The following CTIF variants were observed in gnomAD, a reference collection of about 807,000 sequenced individuals.
CTIF encodes the protein cap binding complex dependent translation initiation factor, also known as CBP80/20-dependent translation initiation factor.
Under a neutral mutation model 66.0 loss-of-function variants are expected in CTIF, and 21 were observed. That is an observed-to-expected ratio of 0.32 (90% CI 0.23 to 0.46). CTIF has a LOEUF of 0.46. Among genes scored for constraint, CTIF ranks in the 20% least tolerant of loss-of-function variants. The pLI is 1.00. For synonymous variants in CTIF, 345 were observed against 326.4 expected, an observed-to-expected ratio of 1.06 and a Z score of -0.62; for missense variants, 739 against 812.7, an observed-to-expected ratio of 0.91 and a Z score of 1.10.
At chr18:48,709,990 A>T (rs2092206074) in intron 6 of CTIF, among the ~76,000 whole-genome samples, 1 of 152,128 alleles carries the variant, frequency 6.6e-6, no homozygotes, top group African/African-American at 2.4e-5. Context: ...CCATAACTCC[A>T]AGGTCCCTGT....
intron 1 of CTIF, among the ~76,000 whole-genome samples, chr18:48,619,006 A>G (rs2090446253): frequency 6.6e-6 from 1 of 152,188 alleles, no homozygotes; most frequent in Non-Finnish European, 1.5e-5. Context: ...TACGGCCCAT[A>G]GGCTTCAACT....
intron 7 of CTIF, among the ~76,000 whole-genome samples, chr18:48,740,009 A>G (rs1248482677): frequency 6.6e-6 from 1 of 152,232 alleles, no homozygotes; most frequent in African/African-American, 2.4e-5. Flanking sequence ...ACAAATATCA[A>G]TGCACATTGT....
At chr18:48,614,125 C>G (rs2090356414) in intron 1 of CTIF, among the ~76,000 whole-genome samples, 1 of 152,158 alleles carries the variant, frequency 6.6e-6, no homozygotes. Flanking sequence ...AAATTCCTGG[C>G]TGGCTCTCTC....
intron 1 of CTIF, among the ~76,000 whole-genome samples, chr18:48,601,001 G>A (rs1452687758): frequency 1.3e-5 from 2 of 152,058 alleles, no homozygotes; most frequent in Non-Finnish European, 2.9e-5. Context: ...GTTTCCTTAG[G>A]CCACTGCTCT....
At chr18:48,615,385 C>G (rs78409020) in intron 1 of CTIF, among the ~76,000 whole-genome samples, 1 of 152,214 alleles carries the variant, frequency 6.6e-6, no homozygotes, top group South Asian at 2.1e-4. Context: ...GCATGTTCCC[C>G]GCTTTTCTGA....
At chr18:48,594,050 A>G (rs1239360118) in intron 1 of CTIF, among the ~76,000 whole-genome samples, 6 of 151,838 alleles carry the variant, frequency 4.0e-5, no homozygotes, top group East Asian at 1.9e-4. Flanking sequence ...GATCCCTCCT[A>G]TGAACACAAG....
chr18:48,850,225 C>T (rs1401654390), intron 10 of CTIF, among the ~76,000 whole-genome samples: 1 of 152,142 alleles, frequency 6.6e-6, no homozygotes, highest in Non-Finnish European at 1.5e-5. Context: ...GGTGATATTC[C>T]CCTTGTATGG....
At chr18:48,772,336 T>C (rs13381292) in intron 9 of CTIF, among the ~76,000 whole-genome samples, 12,805 of 152,212 alleles carry the variant, frequency 0.084, 614 homozygotes, top group Non-Finnish European at 0.1. Context: ...ACCATAAAAT[T>C]CACCATCTGA....
chr18:48,836,418 C>T (rs1301153826), intron 10 of CTIF, among the ~76,000 whole-genome samples: 1 of 152,116 alleles, frequency 6.6e-6, no homozygotes, highest in African/African-American at 2.4e-5. Context: ...TCACCACTGG[C>T]ATCTAGGGGA....
chr18:48,818,455 G>T (rs1214435585), intron 10 of CTIF, among the ~76,000 whole-genome samples: 1 of 152,174 alleles, frequency 6.6e-6, no homozygotes, highest in East Asian at 1.9e-4. Flanking sequence ...GGGATGAAAA[G>T]CAAGAGTCAG....
Position 48,559,356 on chromosome 18 carries a change from A to AC in CTIF, c.-29+20052dup, listed in dbSNP as rs60449140. 8.1e-3 allele frequency among the ~76,000 whole-genome samples: 1,224 copies of AC among 150,216 alleles called. 14 individuals carry two copies. Among genetic ancestry groups the AC allele is most frequent in the African/African-American group, 0.026 (1,048 of 40,836 alleles). ...GTTAAATGAGGTCTGTAGTCCTACCACCCCCCCCAATCCTAACAAACAAAA... is the reference window on the plus strand; with the variant it reads ...GTTAAATGAGGTCTGTAGTCCTACCACCCCCCCCCAATCCTAACAAACAAAA... On this transcript the variant is annotated intron_variant, in intron 1 of 11. Coordinates refer to ENST00000256413, the MANE Select transcript of CTIF (RefSeq NM_014772.3).
At chr18:48,728,017 A>G (rs542498723) in intron 7 of CTIF, among the ~76,000 whole-genome samples, 1 of 152,340 alleles carries the variant, frequency 6.6e-6, no homozygotes, top group Non-Finnish European at 1.5e-5. Flanking sequence ...CCTAGCAAGA[A>G]GAAACCAGGC....
chr18:48,851,119 A>G (rs2069190885), intron 10 of CTIF, among the ~76,000 whole-genome samples: 1 of 152,244 alleles, frequency 6.6e-6, no homozygotes, highest in African/African-American at 2.4e-5. Context: ...ACCCGCCCCC[A>G]GCTCTGCCTT....
intron 2 of CTIF, among the ~76,000 whole-genome samples, chr18:48,624,910 T>G (rs1448072213): frequency 6.6e-6 from 1 of 152,208 alleles, no homozygotes; most frequent in Non-Finnish European, 1.5e-5. Flanking sequence ...TCACTTCCTA[T>G]AGCCCTATTT....
chr18:48,784,309 C>T (rs1027219079), intron 9 of CTIF, among the ~76,000 whole-genome samples: 1 of 152,184 alleles, frequency 6.6e-6, no homozygotes, highest in Admixed American at 6.5e-5. Context: ...AAGAAACGTG[C>T]AGAAGGGCAT....
intron 6 of CTIF, among the ~76,000 whole-genome samples, chr18:48,698,578 C>T (rs931219647): frequency 6.6e-6 from 1 of 152,166 alleles, no homozygotes; most frequent in Non-Finnish European, 1.5e-5. Context: ...TAATTTAGGT[C>T]TACGACTTTA....
chr18:48,554,359 T>G (rs1368957655), intron 1 of CTIF, among the ~76,000 whole-genome samples: 1 of 152,176 alleles, frequency 6.6e-6, no homozygotes, highest in Non-Finnish European at 1.5e-5. Flanking sequence ...TGTGTGGAAA[T>G]TTCTGGGTTC....
At chr18:48,818,708 C>G (rs182165693) in intron 10 of CTIF, among the ~76,000 whole-genome samples, 1 of 152,196 alleles carries the variant, frequency 6.6e-6, no homozygotes, top group East Asian at 1.9e-4. Flanking sequence ...TCACTGGGAC[C>G]TGGACGCCTC....
chr18:48,740,187 C>T (rs560663853), intron 7 of CTIF, among the ~76,000 whole-genome samples: 4 of 152,288 alleles, frequency 2.6e-5, no homozygotes, highest in Admixed American at 2.6e-4. Context: ...TCGGGCAATT[C>T]CCCTTCTTTC....
Sources: allele counts gnomAD v4.1 joint callset (sites outside exome capture counted in the v4.1 genomes callset), GRCh38; gene constraint gnomAD v4.1.1; transcripts MANE v1.5; gene names NCBI Gene and HGNC (gene_info 2026-07-23, HGNC 2026-07-21).